Variants in METTL16 observed in about 807,000 individuals in gnomAD.
The protein encoded by METTL16 is methyltransferase 16, RNA N6-adenosine.
In METTL16, 19 loss-of-function variants were observed where a neutral mutation model predicts 57.9. The observed-to-expected ratio is 0.33, with a 90% CI of 0.23 to 0.48. The LOEUF (loss-of-function observed/expected upper bound fraction) is 0.48, where lower values mean the gene tolerates loss of function less well. METTL16 is among the 20% of genes least tolerant of loss of function. The probability of loss-of-function intolerance (pLI) is 0.99; values close to 1 mark genes in which losing one functional copy is unlikely to be tolerated. For missense variants in METTL16, 434 were observed against 691.5 expected (o/e 0.63, Z 4.18); for synonymous variants, 246 against 255.6 (o/e 0.96, Z 0.36).
intron 2 of METTL16, among the ~76,000 whole-genome samples, chr17:2,486,877 C>T (rs374098915): frequency 1.0e-4 from 15 of 150,656 alleles, no homozygotes; most frequent in African/African-American, 2.9e-4. Context: ...CTACTCTAGG[C>T]GGGGGAGTGG....
chr17:2,468,660 T>G (rs569823038), intron 4 of METTL16, among the ~76,000 whole-genome samples: 1 of 152,320 alleles, frequency 6.6e-6, no homozygotes, highest in Admixed American at 6.5e-5. Context: ...ACGGGAGAAC[T>G]GCTTGAGACC....
At chr17:2,467,604 C>T (rs938519657) in intron 5 of METTL16, among the ~76,000 whole-genome samples, 157 bp downstream of exon 5, 8 of 151,938 alleles carry the variant, frequency 5.3e-5, no homozygotes, top group South Asian at 4.1e-4. Context: ...TTTTTTGTAT[C>T]TTTAGTAGAG....
chr17:2,490,147 G>A (rs1867198), intron 2 of METTL16, among the ~76,000 whole-genome samples: 1 of 152,102 alleles, frequency 6.6e-6, no homozygotes, highest in Non-Finnish European at 1.5e-5. Context: ...GTAGGGACTC[G>A]ATATGCACGC....
intron 8 of METTL16, among the ~76,000 whole-genome samples, chr17:2,422,129 T>C (rs1341457382): frequency 6.6e-6 from 1 of 151,964 alleles, no homozygotes; most frequent in East Asian, 1.9e-4. Context: ...CTGGCCCACA[T>C]GGTGAAACCC....
rs558916504 is a variant in METTL16 at position 2,429,960 on chromosome 17, G to A, written c.888+8149C>T. Reference sequence around the variant, plus strand: ...CGAGTAGCTGGGATTACAGGCGCCCGCCACCATGCCCGGCTAATTTTTTTC... The same window carrying A: ...CGAGTAGCTGGGATTACAGGCGCCCACCACCATGCCCGGCTAATTTTTTTC... On this transcript the variant is annotated intron_variant, in intron 8 of 9. Transcript: ENST00000263092. 6.0e-4 allele frequency among the ~76,000 whole-genome samples: 88 copies of A among 146,896 alleles called. 1 individual carries two copies. The highest frequency in any genetic ancestry group is 1.7e-3 in the African/African-American group (67 of 39,880).
At chr17:2,486,184 T>C (rs2067339792) in intron 2 of METTL16, among the ~76,000 whole-genome samples, 1 of 152,098 alleles carries the variant, frequency 6.6e-6, no homozygotes, top group Non-Finnish European at 1.5e-5. Flanking sequence ...TAGGGCATTA[T>C]AATTAGAGTG....
At chr17:2,468,399 T>C (rs1182780193) in intron 4 of METTL16, among the ~76,000 whole-genome samples, 1 of 151,822 alleles carries the variant, frequency 6.6e-6, no homozygotes, top group Admixed American at 6.6e-5. Context: ...CTTCCAAGAG[T>C]CGTGTGAGTG....
At position 2,477,652 on chromosome 17, in the gene METTL16, C is replaced by CTA. The variant is rs763323900; in HGVS notation, c.328+33_328+34insTA. ...TTTGATCTCGCAAAACTTATGAAAA[C>CTA]TGTTTAGCCAAAAAAGAATTTAAAA... On this transcript the variant is annotated intron_variant, in intron 3 of 9. Transcript: ENST00000263092. 6.6e-6 allele frequency: 10 copies of CTA among 1,510,868 alleles called. No homozygotes were observed. The South Asian group carries it at 1.1e-4, about 17-fold the overall frequency. 93.6% of individuals were successfully genotyped at this position (1,510,868 alleles called of 1,614,324 possible).
At chr17:2,461,872 C>G (rs938618733) in intron 6 of METTL16, among the ~76,000 whole-genome samples, 1 of 152,130 alleles carries the variant, frequency 6.6e-6, no homozygotes, top group Non-Finnish European at 1.5e-5. Context: ...AGCCACCGTG[C>G]CCAGCCTTCT....
intron 2 of METTL16, among the ~76,000 whole-genome samples, chr17:2,501,103 A>G (rs2067483669): frequency 6.6e-6 from 1 of 151,824 alleles, no homozygotes; most frequent in African/African-American, 2.4e-5. Context: ...GGCAACAGAG[A>G]CTCCGTCTCA....
At chr17:2,431,779 G>C (rs1270769033) in intron 8 of METTL16, among the ~76,000 whole-genome samples, 3 of 152,042 alleles carry the variant, frequency 2.0e-5, no homozygotes, top group Non-Finnish European at 4.4e-5. Flanking sequence ...TCTGCATTTT[G>C]GGGAATAGAT....
chr17:2,451,012 G>A (rs573399462), intron 6 of METTL16, among the ~76,000 whole-genome samples: 5 of 152,232 alleles, frequency 3.3e-5, no homozygotes, highest in African/African-American at 1.2e-4. Flanking sequence ...AACTATTGAA[G>A]ACTGGCAATC....
At chr17:2,477,609 A>G (rs968258539) in intron 3 of METTL16, 77 bp downstream of exon 3, 28 of 1,078,274 alleles carry the variant, frequency 2.6e-5, no homozygotes, top group Non-Finnish European at 3.8e-5. Context: ...AATACCCAGT[A>G]GAAAAGTTTA....
At chr17:2,428,632 C>A (rs1382916686) in intron 8 of METTL16, among the ~76,000 whole-genome samples, 39 of 131,528 alleles carry the variant, frequency 3.0e-4, no homozygotes, top group Middle Eastern at 5.2e-3. Context: ...CACAGTGGCT[C>A]ACACCTGTAA....
chr17:2,438,342 G>T, intron 7 of METTL16, 144 bp from the exon 8 acceptor site: 1 of 610,926 alleles, frequency 1.6e-6, no homozygotes, highest in Non-Finnish European at 3.0e-6. Flanking sequence ...ATAGATAGCT[G>T]CCTAATAATG....
chr17:2,447,005 C>G (rs1258978185), intron 6 of METTL16, among the ~76,000 whole-genome samples: 16 of 150,506 alleles, frequency 1.1e-4, no homozygotes, highest in African/African-American at 3.5e-4. Context: ...GCCGCCACCC[C>G]GTCTGGGAAG....
chr17:2,494,132 A>G (rs2067422988), intron 2 of METTL16, among the ~76,000 whole-genome samples: 1 of 152,006 alleles, frequency 6.6e-6, no homozygotes, highest in Non-Finnish European at 1.5e-5. Flanking sequence ...CGTAACCTCT[A>G]TCTCCTGGGT....
intron 2 of METTL16, 134 bp downstream of exon 2, chr17:2,502,070 G>A (rs751289109): frequency 2.4e-4 from 197 of 824,180 alleles, no homozygotes; most frequent in Non-Finnish European, 3.3e-4. Flanking sequence ...GACCAAGAGA[G>A]GTTAAGTGAT....
chr17:2,425,733 C>A (rs1407325702), intron 8 of METTL16, among the ~76,000 whole-genome samples: 1 of 151,812 alleles, frequency 6.6e-6, no homozygotes, highest in Non-Finnish European at 1.5e-5. Context: ...GGCACCCAGG[C>A]TGGAGTGCAG....
Sources: gnomAD v4.1 joint callset for allele counts (sites outside exome capture counted in the v4.1 genomes callset) on GRCh38, gnomAD v4.1.1 for gene constraint, MANE v1.5 for transcripts, NCBI Gene and HGNC (gene_info 2026-07-23, HGNC 2026-07-21) for gene names.